Variants in PXK observed in about 807,000 individuals in gnomAD.
The protein encoded by PXK is PX domain containing serine/threonine kinase like.
A neutral mutation model predicts 84.7 loss-of-function variants in PXK; 35 were observed. The observed-to-expected ratio is 0.41, with a 90% CI of 0.32 to 0.55. The LOEUF is 0.55. Among genes scored for constraint, PXK ranks in the 20% least tolerant of loss-of-function variants. The pLI, the probability that PXK is intolerant of heterozygous loss-of-function variation, is 0.21. For synonymous variants in PXK, 253 were observed against 260.8 expected (o/e 0.97, Z 0.29); for missense variants, 634 against 699.7 (o/e 0.91, Z 1.06).
Position 58,345,310 on chromosome 3 carries a change from A to G in PXK, c.102+12220A>G, listed in dbSNP as rs115231933. ...CTTTTCTAACTTGCAAACTCCTTTC[A>G]TAGTAATAGGGAATGGTACAGACTC... On this transcript the variant is annotated intron_variant, in intron 1 of 17. Coordinates refer to ENST00000356151, the MANE Select transcript of PXK (RefSeq NM_017771.5). Among the ~76,000 whole-genome samples the G allele has an allele frequency of 2.7e-3, 415 of 152,294 alleles. 1 individual carries two copies. Among genetic ancestry groups the G allele is most frequent in the African/African-American group, 9.6e-3 (401 of 41,562 alleles).
At position 58,390,946 on chromosome 3, in the gene PXK, C is replaced by A. The variant is rs149518682; in HGVS notation, c.467-201C>A. Reference sequence around the variant, plus strand: ...TGAAGTGCTACTTTCCTGCCTTTTCCGTGAATAATTTCTTCATTTACTGTT... The same window carrying A: ...TGAAGTGCTACTTTCCTGCCTTTTCAGTGAATAATTTCTTCATTTACTGTT... On this transcript the variant is annotated intron_variant, in intron 5 of 17. Coordinates refer to ENST00000356151, the MANE Select transcript of PXK (RefSeq NM_017771.5). This position sits in a 1 kb window ranked among gnomAD's most constrained non-coding sequence, Gnocchi z 4.2. Among the ~76,000 whole-genome samples, 61 of 152,300 alleles carry A rather than the reference C, an allele frequency of 4.0e-4. No individual in the cohort carries two copies. The highest frequency in any genetic ancestry group is 1.9e-3 in the Admixed American group (29 of 15,296).
intron 3 of PXK, among the ~76,000 whole-genome samples, chr3:58,382,214 G>A (rs1408341842): frequency 6.6e-6 from 1 of 152,136 alleles, no homozygotes; most frequent in African/African-American, 2.4e-5. Context: ...TACTCAGGAG[G>A]CTGAGGCAGG....
intron 1 of PXK, among the ~76,000 whole-genome samples, chr3:58,365,520 C>T (rs1171462200): frequency 1.3e-5 from 2 of 152,090 alleles, no homozygotes; most frequent in Non-Finnish European, 2.9e-5. Flanking sequence ...TTGTTAAGTT[C>T]TTCTATATCC....
intron 1 of PXK, among the ~76,000 whole-genome samples, chr3:58,363,231 G>A (rs1381567889): frequency 6.6e-6 from 1 of 151,974 alleles, no homozygotes; most frequent in Non-Finnish European, 1.5e-5. Context: ...TTGAGTAATT[G>A]TAAATGGTAT....
In PXK at chr3:58,400,978, A is replaced by G. The variant is rs1303298404; in HGVS notation, c.1181+1601A>G. Among the ~76,000 whole-genome samples the G allele has an allele frequency of 3.3e-5, 5 of 152,206 alleles. No individual in the cohort carries two copies. The highest frequency in any genetic ancestry group is 3.3e-4 in the Admixed American group (5 of 15,288). Reference sequence around the variant, plus strand: ...CCAGTTTGGAAAACAACTTTCACACAAACTTTTCTAGCAAAATGCACTTGT... The same window carrying G: ...CCAGTTTGGAAAACAACTTTCACACGAACTTTTCTAGCAAAATGCACTTGT... On this transcript the variant is annotated intron_variant, in intron 12 of 17. Coordinates refer to ENST00000356151, the MANE Select transcript of PXK (RefSeq NM_017771.5). This position sits in a 1 kb window ranked among gnomAD's most constrained non-coding sequence, Gnocchi z 4.0.
At chr3:58,335,931 GACA>G (rs903275112) in intron 1 of PXK, among the ~76,000 whole-genome samples, 1 of 150,540 alleles carries the variant, frequency 6.6e-6, no homozygotes, top group African/African-American at 2.4e-5. Context: ...TTCACTCCCT[GACA>G]ACATTTGTGC....
intron 1 of PXK, among the ~76,000 whole-genome samples, chr3:58,357,096 T>G (rs1331492328): frequency 7.3e-5 from 11 of 149,944 alleles, no homozygotes; most frequent in Non-Finnish European, 1.6e-4. Flanking sequence ...CTGGCCAACA[T>G]GGTGAAACCC....
At chr3:58,373,374 C>T (rs1371581480) in intron 3 of PXK, among the ~76,000 whole-genome samples, 1 of 152,132 alleles carries the variant, frequency 6.6e-6, no homozygotes, top group Non-Finnish European at 1.5e-5. Context: ...AGCGCCTGGC[C>T]GAGTCCATCA....
At chr3:58,420,501 T>TC (rs1424025808) in intron 17 of PXK, 11 of 1,534,954 alleles carry the variant, frequency 7.2e-6, no homozygotes, top group Non-Finnish European at 8.7e-6. Flanking sequence ...ATGACTTGTG[T>TC]CCCCCCTTTC....
intron 1 of PXK, among the ~76,000 whole-genome samples, chr3:58,341,378 A>T (rs2097727365): frequency 6.6e-6 from 1 of 152,162 alleles, no homozygotes; most frequent in Non-Finnish European, 1.5e-5. Context: ...CCTGGCCAAC[A>T]TGGGGAAACC....
At chr3:58,366,036 A>T in intron 2 of PXK, 112 bp downstream of exon 2, 1 of 854,630 alleles carries the variant, frequency 1.2e-6, no homozygotes, top group Non-Finnish European at 1.8e-6. Context: ...GCATAAATAT[A>T]AATCATGTTT....
At chr3:58,356,760 T>A (rs575442292) in intron 1 of PXK, among the ~76,000 whole-genome samples, 19 of 151,874 alleles carry the variant, frequency 1.3e-4, no homozygotes, top group African/African-American at 4.6e-4. Context: ...CGTACCTCCA[T>A]GCCCGGCTAA....
rs1365000093 is a variant in PXK, at chr3:58,425,173, C to T, written c.*213C>T. Reference sequence around the variant, plus strand: ...GCATTGCTCCCTTAAGATCTTGCTCCTTTATTAACCCTGTAAAGGAGTCTT... The same window carrying T: ...GCATTGCTCCCTTAAGATCTTGCTCTTTTATTAACCCTGTAAAGGAGTCTT... On this transcript the variant is annotated 3_prime_UTR_variant, in exon 18 of 18. Coordinates refer to ENST00000356151, the MANE Select transcript of PXK (RefSeq NM_017771.5). 2 of 671,296 alleles carry T rather than the reference C, an allele frequency of 3.0e-6. No homozygotes were observed. The highest frequency in any genetic ancestry group is 4.0e-5 in the South Asian group (2 of 50,364). 41.6% of individuals were successfully genotyped at this position (671,296 alleles called of 1,614,324 possible).
At chr3:58,402,174 G>A (rs1490912932) in intron 12 of PXK, among the ~76,000 whole-genome samples, 2 of 152,072 alleles carry the variant, frequency 1.3e-5, no homozygotes, top group African/African-American at 4.8e-5. Flanking sequence ...GCAGTTCAGA[G>A]TTGTTCATGC....
chr3:58,420,251 C>T (rs558966127), intron 17 of PXK, among the ~76,000 whole-genome samples: 1 of 152,216 alleles, frequency 6.6e-6, no homozygotes, highest in South Asian at 2.1e-4. Context: ...TAGTATCTAA[C>T]TGGCTCAGAG....
At chr3:58,346,369 G>A (rs979385251) in intron 1 of PXK, among the ~76,000 whole-genome samples, 4 of 152,226 alleles carry the variant, frequency 2.6e-5, no homozygotes, top group Admixed American at 2.0e-4. Flanking sequence ...AGTTAGAGAG[G>A]CCACAGCTCA....
chr3:58,347,758 T>C (rs2097849194), intron 1 of PXK, among the ~76,000 whole-genome samples: 1 of 152,216 alleles, frequency 6.6e-6, no homozygotes, highest in Non-Finnish European at 1.5e-5. Context: ...AATTGCTGAG[T>C]GATAGGCTAA....
chr3:58,407,332 T>A lies in PXK; in HGVS notation c.1231-1592T>A, dbSNP rs943613386. Among the ~76,000 whole-genome samples the A allele has an allele frequency of 6.6e-6, 1 of 152,206 alleles. No individual in the cohort carries two copies. The highest frequency in any genetic ancestry group is 1.5e-5 in the Non-Finnish European group (1 of 68,038). On this transcript the variant is annotated intron_variant, in intron 13 of 17. Transcript: ENST00000356151. The surrounding 1 kb of genome is among the most constrained non-coding windows in gnomAD (Gnocchi z 4.3). ...GACATTGAGTGTCTTTTCATATGTT[T>A]TTTGGCCATTTGTATATTTTCTTTA...
At position 58,422,792 on chromosome 3, in the gene PXK, G is replaced by A. The variant is rs974085547; in HGVS notation, c.1529-1960G>A. 1.4e-5 allele frequency: 14 copies of A among 985,262 alleles called. No individual in the cohort carries two copies. In the African/African-American group the frequency reaches 2.3e-4, roughly 16 times the overall value. 61.0% of individuals were successfully genotyped at this position (985,262 alleles called of 1,614,324 possible). ...AGCCCCCCAAAATCCTTGCCTGGAG[G>A]GCTAGTCAGTCTCTAGATGGCCAGT... On this transcript the variant is annotated intron_variant, in intron 17 of 17. Transcript: ENST00000356151.
Sources: allele counts gnomAD v4.1 joint callset (sites outside exome capture counted in the v4.1 genomes callset), GRCh38; gene constraint gnomAD v4.1.1; non-coding constraint Gnocchi (gnomAD v3.1); transcripts MANE v1.5; gene names NCBI Gene and HGNC (gene_info 2026-07-23, HGNC 2026-07-21).